Variants in DSCAM observed in about 807,000 individuals in gnomAD.
The protein encoded by DSCAM is DS cell adhesion molecule, also known as cell adhesion molecule DSCAM.
A neutral mutation model predicts 217.7 loss-of-function variants in DSCAM; 47 were observed. That is an observed-to-expected ratio of 0.22 (90% confidence interval 0.17 to 0.28). DSCAM has a LOEUF of 0.28. Ranked by LOEUF, DSCAM falls within the 10% of genes least tolerant of loss-of-function variation. The pLI is 1.00. For synonymous variants in DSCAM, 1,056 were observed against 1,015.3 expected (o/e 1.04, Z -0.76); for missense variants, 2,080 against 2,618.3 (o/e 0.79, Z 4.49).
chr21:40,108,485 G>C (rs1376644021), intron 20 of DSCAM, among the ~76,000 whole-genome samples: 1 of 152,134 alleles, frequency 6.6e-6, no homozygotes, highest in African/African-American at 2.4e-5. Flanking sequence ...ACAAACTACT[G>C]CTCAAAGAAA....
At chr21:40,289,865 T>C (rs1243583118) in intron 10 of DSCAM, among the ~76,000 whole-genome samples, 3 of 152,070 alleles carry the variant, frequency 2.0e-5, no homozygotes, top group African/African-American at 7.2e-5. Flanking sequence ...AAACCAGGTA[T>C]TACGACTTAG....
chr21:40,332,704 T>C (rs1348395347), intron 8 of DSCAM, among the ~76,000 whole-genome samples: 1 of 152,174 alleles, frequency 6.6e-6, no homozygotes, highest in African/African-American at 2.4e-5. Flanking sequence ...GCCTATATGT[T>C]TGAAGGCAGC....
chr21:40,736,856 C>T (rs1362541580), intron 1 of DSCAM, among the ~76,000 whole-genome samples: 1 of 151,996 alleles, frequency 6.6e-6, no homozygotes, highest in African/African-American at 2.4e-5. Flanking sequence ...CTTAAAAACC[C>T]TTATAGAATT....
chr21:40,552,213 C>T (rs1367227090), intron 3 of DSCAM, among the ~76,000 whole-genome samples: 2 of 152,064 alleles, frequency 1.3e-5, no homozygotes, highest in East Asian at 3.9e-4. Context: ...ACTCAGGAGG[C>T]TGAGGCAGAA....
At chr21:40,784,549 G>A (rs541914822) in intron 1 of DSCAM, among the ~76,000 whole-genome samples, 1 of 152,272 alleles carries the variant, frequency 6.6e-6, no homozygotes, top group African/African-American at 2.4e-5. Flanking sequence ...AATCTCCTTT[G>A]CACAAATATA....
chr21:40,341,300 G>C (rs965714604), intron 6 of DSCAM, among the ~76,000 whole-genome samples: 3 of 152,260 alleles, frequency 2.0e-5, no homozygotes, highest in African/African-American at 7.2e-5. Flanking sequence ...TTAATACTTA[G>C]GAGTACTGGA....
At chr21:40,838,393 G>A (rs941263128) in intron 1 of DSCAM, among the ~76,000 whole-genome samples, 12 of 152,138 alleles carry the variant, frequency 7.9e-5, no homozygotes, top group Admixed American at 2.6e-4. Flanking sequence ...ACCCATTCAC[G>A]CTGGTCCTAA....
chr21:40,068,013 G>A (rs953274470), intron 27 of DSCAM, among the ~76,000 whole-genome samples: 1 of 151,816 alleles, frequency 6.6e-6, no homozygotes, highest in Non-Finnish European at 1.5e-5. Context: ...TTCAGACTTC[G>A]CGACATCTTT....
At chr21:40,424,829 C>T (rs12482021) in intron 3 of DSCAM, among the ~76,000 whole-genome samples, 8 of 152,172 alleles carry the variant, frequency 5.3e-5, no homozygotes, top group African/African-American at 1.7e-4. Flanking sequence ...ACAGGCCAGT[C>T]GCACATGTAA....
chr21:40,806,275 T>C (rs1050179479), intron 1 of DSCAM, among the ~76,000 whole-genome samples: 5 of 152,164 alleles, frequency 3.3e-5, no homozygotes, highest in Non-Finnish European at 5.9e-5. Context: ...ATTATTGACG[T>C]GATTGCTTTA....
intron 11 of DSCAM, among the ~76,000 whole-genome samples, chr21:40,272,283 A>G (rs1273403035): frequency 6.6e-6 from 1 of 152,132 alleles, no homozygotes; most frequent in African/African-American, 2.4e-5. Flanking sequence ...ATCTCACATG[A>G]TAATTATTTT....
intron 3 of DSCAM, among the ~76,000 whole-genome samples, chr21:40,684,028 C>T (rs2090447165): frequency 6.7e-6 from 1 of 150,100 alleles, no homozygotes; most frequent in South Asian, 2.2e-4. Flanking sequence ...AGATCGAGAC[C>T]ATCCTGGCTA....
chr21:40,694,910 G>C (rs2090579982), intron 2 of DSCAM, among the ~76,000 whole-genome samples: 1 of 152,176 alleles, frequency 6.6e-6, no homozygotes, highest in Non-Finnish European at 1.5e-5. Context: ...GTGAGAATCT[G>C]GGCATGGTGA....
chr21:40,013,369 G>A lies in DSCAM; in HGVS notation c.5704C>T (p.Pro1902Ser). The A allele has an allele frequency of 6.4e-7, 1 of 1,570,242 alleles. No individual in the cohort carries two copies. Among genetic ancestry groups the A allele is most frequent in the Non-Finnish European group, 8.6e-7 (1 of 1,159,244 alleles). The part of the protein sequence containing the change: ...AHRPGDLIHL[P>S]PYLRMDFLLN... Reference sequence around the variant, plus strand: ...AAAAAGTCCATTCTAAGGTATGGAGGCAAATGTATGAGGTCACCTAGAAGG... The same window carrying A: ...AAAAAGTCCATTCTAAGGTATGGAGACAAATGTATGAGGTCACCTAGAAGG... Residue 1902 changes from proline (P) to serine (S), a missense_variant, in exon 33 of 33, where the codon CCT becomes TCT. Pro to Ser is a moderately conservative substitution (Grantham distance 74). Transcript: ENST00000400454.
At chr21:40,240,257 G>A (rs2073131457) in intron 11 of DSCAM, among the ~76,000 whole-genome samples, 1 of 151,034 alleles carries the variant, frequency 6.6e-6, no homozygotes, top group Non-Finnish European at 1.5e-5. Context: ...TGTCCCACAG[G>A]GACCTCCACC....
chr21:40,710,263 C>G (rs930593840), intron 1 of DSCAM, among the ~76,000 whole-genome samples: 2 of 147,036 alleles, frequency 1.4e-5, no homozygotes, highest in Non-Finnish European at 3.0e-5. Flanking sequence ...AATGTCAAAT[C>G]AACAATACAC....
rs1235681057 is a variant in DSCAM at position 40,178,814 on chromosome 21, C to G, written c.2947+113G>C. On this transcript the variant is annotated intron_variant, in intron 15 of 32. Coordinates refer to ENST00000400454, the MANE Select transcript of DSCAM (RefSeq NM_001389.5). ...GCACAGAACTACGGAGAGCACGCAT[C>G]AAAGACCTCCGCCTAGCACGGGCAA... 4 of 1,354,072 alleles carry G rather than the reference C, an allele frequency of 3.0e-6. No individual in the cohort carries two copies. In the African/African-American group the frequency reaches 5.8e-5, roughly 20 times the overall value. The allele number at this position is 1,354,072 out of a possible 1,614,324, so 83.9% of individuals were successfully genotyped here.
intron 3 of DSCAM, among the ~76,000 whole-genome samples, chr21:40,373,820 G>A (rs542908300): frequency 6.6e-6 from 1 of 152,060 alleles, no homozygotes; most frequent in Admixed American, 6.5e-5. Flanking sequence ...ACTACAAAAC[G>A]GTCCTTGTCC....
At chr21:40,243,708 G>T (rs1313210399) in intron 11 of DSCAM, among the ~76,000 whole-genome samples, 1 of 152,138 alleles carries the variant, frequency 6.6e-6, no homozygotes, top group Non-Finnish European at 1.5e-5. Context: ...TGTATTCCAT[G>T]ACTTCAGAGA....
Sources: allele counts gnomAD v4.1 joint callset (sites outside exome capture counted in the v4.1 genomes callset), GRCh38; gene constraint gnomAD v4.1.1; transcripts MANE v1.5; gene names NCBI Gene and HGNC (gene_info 2026-07-23, HGNC 2026-07-21).